ABCF1: variants seen among roughly 807,000 people sequenced by gnomAD.
ABCF1 encodes the protein ATP-binding cassette sub-family F member 1.
Under a neutral mutation model 126.3 loss-of-function variants are expected in ABCF1, and 73 were observed. That is an observed-to-expected ratio of 0.58 (90% CI 0.48 to 0.70). The LOEUF (loss-of-function observed/expected upper bound fraction) is 0.70, where lower values mean the gene tolerates loss of function less well. Among genes scored for constraint, ABCF1 ranks in the 30% least tolerant of loss-of-function variants. The pLI is 0.00. For synonymous variants in ABCF1, 345 were observed against 396.4 expected, an observed-to-expected ratio of 0.87 and a Z score of 1.54; for missense variants, 786 against 1,057.5, an observed-to-expected ratio of 0.74 and a Z score of 3.56.
chr6:30,579,559 G>A (rs1801696555), intron 6 of ABCF1, among the ~76,000 whole-genome samples: 1 of 147,782 alleles, frequency 6.8e-6, no homozygotes, highest in African/African-American at 2.5e-5. Context: ...CCGGGTTCAA[G>A]TGATTCTCCT....
chr6:30,591,365 T>TGCTG lies in ABCF1; in HGVS notation c.*667_*668insGGCT, dbSNP rs1222713729. On this transcript the variant is annotated 3_prime_UTR_variant, in exon 25 of 25. Coordinates refer to ENST00000326195, the MANE Select transcript of ABCF1 (RefSeq NM_001025091.2). ...GTTGGAACTGTTCTCAGTCTTGATT[T>TGCTG]GCTTTATTCAGTTTTCTAGCAGCTT... 1.3e-5 allele frequency: 2 copies of TGCTG among 152,202 alleles called. No homozygotes were observed. Among genetic ancestry groups the TGCTG allele is most frequent in the Non-Finnish European group, 2.9e-5 (2 of 68,062 alleles). 9.4% of individuals were successfully genotyped at this position (152,202 alleles called of 1,614,324 possible).
rs1228242007 is a variant in ABCF1, at chr6:30,586,312, G to C, written c.1885+7G>C. The C allele has an allele frequency of 6.2e-7, 1 of 1,602,632 alleles. No homozygotes were observed. The highest frequency in any genetic ancestry group is 1.3e-5 in the African/African-American group (1 of 74,274). ...CCAGTGCTGGGTCTGCATGGTGAGT[G>C]CCGCGGGCCTCTGCTGCTCCACAGG... On this transcript the variant is annotated splice_region_variant and intron_variant, in intron 18 of 24. Coordinates refer to ENST00000326195, the MANE Select transcript of ABCF1 (RefSeq NM_001025091.2). The surrounding 1 kb of genome is among the most constrained non-coding windows in gnomAD (Gnocchi z 4.9).
chr6:30,571,676 C>A, intron 1 of ABCF1, 116 bp downstream of exon 1: 2 of 1,140,172 alleles, frequency 1.8e-6, no homozygotes, highest in Non-Finnish European at 1.3e-6. Flanking sequence ...GGAGTTACTG[C>A]GCATGCGTGC....
rs1425151599 is a variant in ABCF1 at position 30,591,214 on chromosome 6, C to T, written c.*513C>T. Reference sequence around the variant, plus strand: ...CCAGCCCAAGATTTGGTGCCTGCAGCCTCTTGTCTGGTTGAGGACTTGGGG... The same window carrying T: ...CCAGCCCAAGATTTGGTGCCTGCAGTCTCTTGTCTGGTTGAGGACTTGGGG... On this transcript the variant is annotated 3_prime_UTR_variant, in exon 25 of 25. Coordinates refer to ENST00000326195, the MANE Select transcript of ABCF1 (RefSeq NM_001025091.2). 6.5e-6 allele frequency: 1 copy of T among 153,812 alleles called. No homozygotes were observed. Among genetic ancestry groups the T allele is most frequent in the Admixed American group, 6.5e-5 (1 of 15,312 alleles). The allele number at this position is 153,812 out of a possible 1,614,324, so 9.5% of individuals were successfully genotyped here. A position where few individuals can be genotyped will look rare whatever the true frequency, so the allele number is the denominator to read the frequency against.
At chr6:30,585,748 G>A in intron 16 of ABCF1, 66 bp downstream of exon 16, 1 of 1,596,316 alleles carries the variant, frequency 6.3e-7, no homozygotes, top group Non-Finnish European at 8.6e-7. Context: ...GAGTGGGAGG[G>A]CCTATTTAGA....
At chr6:30,588,915 C>T (rs747746022) in intron 20 of ABCF1, among the ~76,000 whole-genome samples, 39 of 152,092 alleles carry the variant, frequency 2.6e-4, no homozygotes, top group Non-Finnish European at 2.4e-4. Flanking sequence ...TCCTGCTTGT[C>T]CCTCTTGTCC....
At chr6:30,588,700 C>A (rs1802283296) in intron 20 of ABCF1, among the ~76,000 whole-genome samples, 1 of 151,946 alleles carries the variant, frequency 6.6e-6, no homozygotes, top group Admixed American at 6.6e-5. Flanking sequence ...ATATTGCCAT[C>A]TAGTGTGTTA....
chr6:30,584,563 C>T lies in ABCF1; in HGVS notation c.1388C>T (p.Ala463Val). ...SGGWRMRVSL[A>V]RALFMEPTLL... ...GGCTGGCGCATGCGTGTCTCCCTGG[C>T]CAGGTGGGCCATTCACCTCACTGCC... The change falls in exon 14 of 25, where the codon GCC becomes GTC. Residue 463 changes from alanine to valine, a missense_variant. Around this residue, in one of 4 missense-constraint regions of ABCF1, gnomAD observed 163 missense variants for 255.3 expected, o/e 0.64. Coordinates refer to ENST00000326195, the MANE Select transcript of ABCF1 (RefSeq NM_001025091.2). This position sits in a 1 kb window ranked among gnomAD's most constrained non-coding sequence, Gnocchi z 4.6. 6.3e-7 allele frequency: 1 copy of T among 1,593,684 alleles called. No homozygotes were observed. Among genetic ancestry groups the T allele is most frequent in the Non-Finnish European group, 8.5e-7 (1 of 1,169,596 alleles).
At position 30,590,145 on chromosome 6, in the gene ABCF1, A is replaced by G; in HGVS notation, c.2234-4A>G. 1.2e-6 allele frequency: 2 copies of G among 1,612,996 alleles called. No homozygotes were observed. The highest frequency in any genetic ancestry group is 1.7e-6 in the Non-Finnish European group (2 of 1,179,986). On this transcript the variant is annotated splice_polypyrimidine_tract_variant and splice_region_variant and intron_variant, in intron 22 of 24. Coordinates refer to ENST00000326195, the MANE Select transcript of ABCF1 (RefSeq NM_001025091.2). ...GTGACAGCCCTCCCCTTCCTTTGCT[A>G]CAGGTGGTCAGAAGGCGCGAGTTGT...
chr6:30,586,364 C>T lies in ABCF1; in HGVS notation c.1885+59C>T, dbSNP rs542983598. 1.7e-5 allele frequency: 28 copies of T among 1,602,648 alleles called. No homozygotes were observed. In the African/African-American group the frequency reaches 2.9e-4, roughly 17 times the overall value. On this transcript the variant is annotated intron_variant, in intron 18 of 24. Coordinates refer to ENST00000326195, the MANE Select transcript of ABCF1 (RefSeq NM_001025091.2). The surrounding 1 kb of genome is among the most constrained non-coding windows in gnomAD (Gnocchi z 4.9). ...AGCACCGGAAGCATGTATGTGCACC[C>T]TAAATTCTCCACCAAGGCTGAGATT...
chr6:30,577,650 G>C (rs936067985), intron 2 of ABCF1, among the ~76,000 whole-genome samples, 168 bp from the exon 3 acceptor site: 5 of 152,012 alleles, frequency 3.3e-5, no homozygotes, highest in South Asian at 2.1e-4. Context: ...CTTAAGCCCA[G>C]GAATTTGAGA....
In ABCF1 at chr6:30,583,670, T is replaced by G; in HGVS notation, c.978T>G (p.Ile326Met). ...KELFVNADLY[I>M]VAGRRYGLVG... ...TGTTCGTCAATGCAGACCTGTACAT[T>G]GTAGCCGGCCGCCGCTACGGGCTGG... Residue 326 changes from isoleucine (I) to methionine (M), a missense_variant, in exon 11 of 25, where the codon ATT (isoleucine) becomes ATG (methionine). By Grantham distance (10) the Ile-to-Met change is conservative. Around this residue, in one of 4 missense-constraint regions of ABCF1, gnomAD observed 163 missense variants for 255.3 expected, o/e 0.64. Coordinates refer to ENST00000326195, the MANE Select transcript of ABCF1 (RefSeq NM_001025091.2). The surrounding 1 kb of genome is among the most constrained non-coding windows in gnomAD (Gnocchi z 4.1). 6.2e-7 allele frequency: 1 copy of G among 1,613,918 alleles called. No homozygotes were observed. Among genetic ancestry groups the G allele is most frequent in the Non-Finnish European group, 8.5e-7 (1 of 1,179,886 alleles).
At chr6:30,585,537 A>T (rs373484788) in intron 15 of ABCF1, 21 bp from the exon 16 acceptor site, 1 of 1,611,366 alleles carries the variant, frequency 6.2e-7, no homozygotes, top group Non-Finnish European at 8.5e-7. Flanking sequence ...TGACACTTAC[A>T]CCCTGTTCTC....
chr6:30,585,690 G>C lies in ABCF1; in HGVS notation c.1600+8G>C, dbSNP rs751372242. 6.2e-7 allele frequency: 1 copy of C among 1,612,684 alleles called. No homozygotes were observed. The highest frequency in any genetic ancestry group is 1.1e-5 in the South Asian group (1 of 91,080). On this transcript the variant is annotated splice_region_variant and intron_variant, in intron 16 of 24. Transcript: ENST00000326195. Reference sequence around the variant, plus strand: ...ACTATAGGGGCAATTACAGTAAGTAGGATTGTGTGTGGATGCAGGGAAGAG... The same window carrying C: ...ACTATAGGGGCAATTACAGTAAGTACGATTGTGTGTGGATGCAGGGAAGAG...
In ABCF1 at chr6:30,583,932, G is replaced by A. The variant is rs1349260036; in HGVS notation, c.1102+42G>A. On this transcript the variant is annotated intron_variant, in intron 12 of 24. Coordinates refer to ENST00000326195, the MANE Select transcript of ABCF1 (RefSeq NM_001025091.2). This position sits in a 1 kb window ranked among gnomAD's most constrained non-coding sequence, Gnocchi z 4.1. ...GAAAAGGGGCTTGGTGGGGTGGGCA[G>A]TTGGGTAGAAAAGCCAGCCAGCCAA... 1.2e-6 allele frequency: 2 copies of A among 1,601,638 alleles called. No individual in the cohort carries two copies. The highest frequency in any genetic ancestry group is 2.7e-5 in the African/African-American group (2 of 74,638).
Position 30,590,994 on chromosome 6 carries a change from T to A in ABCF1, c.*293T>A. ...TATTGTGAGGTTCCATCCAGCCAAG[T>A]TTATGTGGCCTATTGTCTCAGGACT... On this transcript the variant is annotated 3_prime_UTR_variant, in exon 25 of 25. Transcript: ENST00000326195. 1 of 374,806 alleles carries A rather than the reference T, an allele frequency of 2.7e-6. No homozygotes were observed. Among genetic ancestry groups the A allele is most frequent in the Non-Finnish European group, 4.7e-6 (1 of 211,048 alleles). The allele number at this position is 374,806 out of a possible 1,614,324, so 23.2% of individuals were successfully genotyped here.
rs1802418807 is a variant in ABCF1 at position 30,590,882 on chromosome 6, GA to G, written c.*184del. 3.3e-6 allele frequency: 2 copies of G among 605,490 alleles called. No individual in the cohort carries two copies. The highest frequency in any genetic ancestry group is 5.5e-6 in the Non-Finnish European group (2 of 362,630). 37.5% of individuals were successfully genotyped at this position (605,490 alleles called of 1,614,324 possible). On this transcript the variant is annotated 3_prime_UTR_variant, in exon 25 of 25. Transcript: ENST00000326195. ...CCACTCTGATTGCATCCATTTCTCT[GA>G]AAGACTTGTTTGTTCTGCTTCTCTT...
intron 9 of ABCF1, 78 bp from the exon 10 acceptor site, chr6:30,582,988 C>T (rs1801904303): frequency 6.5e-7 from 1 of 1,544,906 alleles, no homozygotes; most frequent in Admixed American, 1.8e-5. Flanking sequence ...CCAGCATGCC[C>T]AGCCAGCATG....
chr6:30,571,515 C>T lies in ABCF1; in HGVS notation c.28C>T (p.Pro10Ser), dbSNP rs750356816. 12 of 1,611,294 alleles carry T rather than the reference C, an allele frequency of 7.4e-6. No individual in the cohort carries two copies. In the South Asian group the frequency reaches 1.3e-4, roughly 18 times the overall value. Residue 10 changes from proline (P) to serine (S), a missense_variant, in exon 1 of 25, where the codon CCG becomes TCG. Physicochemically the swap from Pro to Ser is moderately conservative, Grantham distance 74. Around this residue, in one of 4 missense-constraint regions of ABCF1, gnomAD observed 322 missense variants for 322.9 expected, o/e 1.00. Transcript: ENST00000326195. Reference sequence around the variant, plus strand: ...GCCGAAGGCGCCCAAGCAGCAGCCGCCGGAGCCCGAGTGGATCGGGGACGG... The same window carrying T: ...GCCGAAGGCGCCCAAGCAGCAGCCGTCGGAGCCCGAGTGGATCGGGGACGG... MPKAPKQQP[P>S]EPEWIGDGES...
Sources: allele counts gnomAD v4.1 joint callset (sites outside exome capture counted in the v4.1 genomes callset), GRCh38; gene constraint gnomAD v4.1.1; regional missense constraint gnomAD v4.1.1; non-coding constraint Gnocchi (gnomAD v3.1); transcripts MANE v1.5; gene names NCBI Gene and HGNC (gene_info 2026-07-23, HGNC 2026-07-21).